ZFYVE28: variants seen among roughly 807,000 people sequenced by gnomAD.
ZFYVE28 encodes zinc finger FYVE-type containing 28.
ZFYVE28 carries 40 observed loss-of-function variants against 82.1 expected under a neutral mutation model. The ratio of observed to expected loss-of-function variants is 0.49; its 90% CI spans 0.38 to 0.63. ZFYVE28 has a LOEUF of 0.63. ZFYVE28 is among the 30% of genes least tolerant of loss of function. The pLI, the probability that ZFYVE28 is intolerant of heterozygous loss-of-function variation, is 0.00. For synonymous variants in ZFYVE28, 612 were observed against 546.1 expected (o/e 1.12, Z -1.68); for missense variants, 1,321 against 1,242.1 (o/e 1.06, Z -0.96).
rs560813515 is a variant in ZFYVE28, at chr4:2,330,422, G to T, written c.701+5283C>A. The T allele has an allele frequency of 5.9e-5, 62 of 1,049,374 alleles. No homozygotes were observed. The African/African-American group carries it at 9.7e-4, about 16-fold the overall frequency. 65.0% of individuals were successfully genotyped at this position (1,049,374 alleles called of 1,614,324 possible). On this transcript the variant is annotated intron_variant, in intron 6 of 12. Coordinates refer to ENST00000290974, the MANE Select transcript of ZFYVE28 (RefSeq NM_020972.3). ...GTGCAGAGGAGAGGACAGCACGGAA[G>T]AGGGGACATCATGGAGGGGACAGCA...
chr4:2,413,890 C>T (rs1363227678), intron 1 of ZFYVE28, among the ~76,000 whole-genome samples: 1 of 152,250 alleles, frequency 6.6e-6, no homozygotes, highest in Admixed American at 6.5e-5. Context: ...CAAGACCCCT[C>T]CCACAGCCTT....
chr4:2,345,335 C>T (rs1240830208), intron 2 of ZFYVE28, among the ~76,000 whole-genome samples: 1 of 152,136 alleles, frequency 6.6e-6, no homozygotes, highest in Non-Finnish European at 1.5e-5. Flanking sequence ...GTTGTTATAA[C>T]TGATTCCCAT....
chr4:2,386,777 G>C (rs963976), intron 1 of ZFYVE28, among the ~76,000 whole-genome samples: 1 of 152,034 alleles, frequency 6.6e-6, no homozygotes. Context: ...CCAGTCTCAG[G>C]TATTTCATTA....
chr4:2,346,993 T>C (rs146417989), intron 2 of ZFYVE28, among the ~76,000 whole-genome samples: 87 of 152,282 alleles, frequency 5.7e-4, no homozygotes, highest in African/African-American at 1.5e-3. Context: ...GATTTTCAGA[T>C]TGCATAATAA....
intron 1 of ZFYVE28, among the ~76,000 whole-genome samples, chr4:2,411,839 G>A (rs116164711): frequency 0.027 from 4,154 of 152,262 alleles, 181 homozygotes; most frequent in African/African-American, 0.09. Context: ...GCTGCCACCC[G>A]AGCCCTGGAG....
intron 8 of ZFYVE28, chr4:2,287,390 C>T (rs6599423): frequency 0.68 from 102,635 of 151,946 alleles, 36,070 homozygotes; most frequent in African/African-American, 0.87. Context: ...CTCTCAGCGG[C>T]GTGGGTGCAG....
At chr4:2,354,577 G>T (rs1007725590) in intron 1 of ZFYVE28, among the ~76,000 whole-genome samples, 2 of 149,940 alleles carry the variant, frequency 1.3e-5, no homozygotes, top group African/African-American at 2.5e-5. Flanking sequence ...TACTGTCTCA[G>T]CCTCCCCAGT....
intron 7 of ZFYVE28, among the ~76,000 whole-genome samples, chr4:2,308,627 C>A (rs771546174): frequency 0.031 from 2,428 of 79,590 alleles, 87 homozygotes; most frequent in Non-Finnish European, 0.042. Context: ...AGAAAGAAGA[C>A]AGAAAGAAAG....
At position 2,271,397 on chromosome 4, in the gene ZFYVE28, G is replaced by C; in HGVS notation, c.2446C>G (p.Pro816Ala). ...GDFEDPPEWVPDEACGFCTAC... is the reference protein window; with the variant it reads ...GDFEDPPEWVADEACGFCTAC... ...GTGCAGAAGCCACAGGCCTCGTCTG[G>C]CACCCACTCCGGGGGGTCTGTCACA... The change falls in exon 12 of 13, where the codon CCA becomes GCA. Residue 816 changes from proline to alanine, a missense_variant. Pro to Ala is a conservative substitution (Grantham distance 27). This residue lies in a region of ZFYVE28 where 978 missense variants were observed against 833.7 expected (regional missense o/e 1.17). Coordinates refer to ENST00000290974, the MANE Select transcript of ZFYVE28 (RefSeq NM_020972.3). 6.2e-7 allele frequency: 1 copy of C among 1,612,840 alleles called. No individual in the cohort carries two copies. Among genetic ancestry groups the C allele is most frequent in the Non-Finnish European group, 8.5e-7 (1 of 1,179,894 alleles).
chr4:2,322,075 C>T (rs1273509224), intron 6 of ZFYVE28, among the ~76,000 whole-genome samples: 3 of 152,224 alleles, frequency 2.0e-5, no homozygotes, highest in African/African-American at 7.2e-5. Flanking sequence ...GCGTGCTGGA[C>T]GCAGGGCCGT....
At chr4:2,270,955 AT>A in intron 12 of ZFYVE28, 99 bp from the exon 13 acceptor site, 1 of 1,508,536 alleles carries the variant, frequency 6.6e-7, no homozygotes, top group African/African-American at 1.4e-5. Context: ...CTCAGGCCGC[AT>A]TGGTGGGTGG....
chr4:2,334,492 A>C (rs903411099), intron 6 of ZFYVE28, among the ~76,000 whole-genome samples: 1 of 151,524 alleles, frequency 6.6e-6, no homozygotes, highest in Non-Finnish European at 1.5e-5. Context: ...TTCCCACGGG[A>C]GGGGTATCCA....
chr4:2,304,057 C>T (rs984182838), intron 8 of ZFYVE28, among the ~76,000 whole-genome samples: 1 of 152,238 alleles, frequency 6.6e-6, no homozygotes, highest in East Asian at 1.9e-4. Context: ...GGGAAGCGGG[C>T]CCGCTGGCGC....
chr4:2,303,121 C>A (rs1480504147), intron 8 of ZFYVE28, among the ~76,000 whole-genome samples: 4 of 152,192 alleles, frequency 2.6e-5, no homozygotes, highest in Non-Finnish European at 5.9e-5. Context: ...CCAGGCCCAG[C>A]CCACCCAGCC....
At chr4:2,369,702 C>A (rs994154823) in intron 1 of ZFYVE28, among the ~76,000 whole-genome samples, 1 of 151,756 alleles carries the variant, frequency 6.6e-6, no homozygotes, top group Non-Finnish European at 1.5e-5. Flanking sequence ...TGTAAGAAAC[C>A]CCAAGGACAG....
In ZFYVE28 at chr4:2,409,152, A is replaced by C. The variant is rs377368611; in HGVS notation, c.39+9133T>G. ...CATCAAACACACTGTCCAAACCCCT[A>C]CTTCTGCACCCCCATCTCCACCCTC... On this transcript the variant is annotated intron_variant, in intron 1 of 12. Transcript: ENST00000290974. The surrounding 1 kb of genome is among the most constrained non-coding windows in gnomAD (Gnocchi z 4.4). Among the ~76,000 whole-genome samples, 36 of 144,414 alleles carry C rather than the reference A, an allele frequency of 2.5e-4. No homozygotes were observed. The East Asian group carries it at 5.9e-3, about 24-fold the overall frequency. The allele number at this position is 144,414 out of a possible 152,430, so 94.7% of individuals were successfully genotyped here.
At chr4:2,277,212 G>A (rs1379230588) in intron 8 of ZFYVE28, among the ~76,000 whole-genome samples, 1 of 152,250 alleles carries the variant, frequency 6.6e-6, no homozygotes, top group African/African-American at 2.4e-5. Context: ...GGGCGTGGTG[G>A]CTCATGCCTG....
At chr4:2,371,796 T>G (rs991040423) in intron 1 of ZFYVE28, among the ~76,000 whole-genome samples, 1 of 152,230 alleles carries the variant, frequency 6.6e-6, no homozygotes, top group Admixed American at 6.5e-5. Context: ...AAGGCTGGCC[T>G]GGGAAGGCCA....
intron 8 of ZFYVE28, among the ~76,000 whole-genome samples, chr4:2,297,824 GGGTGACAC>G (rs1201339183): frequency 5.3e-5 from 8 of 151,326 alleles, no homozygotes; most frequent in Admixed American, 1.3e-4. Flanking sequence ...GGTGACAGTG[GGGTGACAC>G]GGTGACACAG....
Sources: gnomAD v4.1 joint callset for allele counts (sites outside exome capture counted in the v4.1 genomes callset) on GRCh38, gnomAD v4.1.1 for gene constraint, gnomAD v4.1.1 regional missense constraint, Gnocchi (gnomAD v3.1) non-coding constraint, MANE v1.5 for transcripts, NCBI Gene and HGNC (gene_info 2026-07-23, HGNC 2026-07-21) for gene names.